Variants in ENOX1 observed in about 807,000 individuals in gnomAD.
ENOX1 encodes candidate growth-related and time keeping constitutive hydroquinone (NADH) oxidase.
A neutral mutation model predicts 82.5 loss-of-function variants in ENOX1; 42 were observed. That is an observed-to-expected ratio of 0.51 (90% confidence interval 0.40 to 0.66). The LOEUF is 0.66. Ranked by LOEUF, ENOX1 falls within the 30% of genes least tolerant of loss-of-function variation. ENOX1 has a pLI of 0.00. For synonymous variants in ENOX1, 271 were observed against 282.2 expected, an observed-to-expected ratio of 0.96 and a Z score of 0.40; for missense variants, 608 against 811.6, an observed-to-expected ratio of 0.75 and a Z score of 3.05.
At chr13:43,380,628 T>C (rs75544809) in intron 5 of ENOX1, among the ~76,000 whole-genome samples, 2,021 of 151,782 alleles carry the variant, frequency 0.013, 40 homozygotes, top group African/African-American at 0.046. Context: ...ATATATCAGA[T>C]TGGATATAAA....
At chr13:43,494,277 C>G (rs199818095) in intron 2 of ENOX1, among the ~76,000 whole-genome samples, 2 of 152,142 alleles carry the variant, frequency 1.3e-5, no homozygotes, top group East Asian at 3.9e-4. Flanking sequence ...ACTAATATGA[C>G]AGCCCTCCCA....
At position 43,462,968 on chromosome 13, in the gene ENOX1, G is replaced by A. The variant is rs114283419; in HGVS notation, c.-75+21041C>T. 2.9e-3 allele frequency among the ~76,000 whole-genome samples: 435 copies of A among 152,248 alleles called. 1 individual carries two copies. Among genetic ancestry groups the A allele is most frequent in the African/African-American group, 0.01 (419 of 41,534 alleles). Reference sequence around the variant, plus strand: ...TGCATAGTCGTTACGTTAAAAATCGGTGCCTCTCATTCTCTGTTTTGGATG... The same window carrying A: ...TGCATAGTCGTTACGTTAAAAATCGATGCCTCTCATTCTCTGTTTTGGATG... On this transcript the variant is annotated intron_variant, in intron 3 of 16. Transcript: ENST00000690772.
chr13:43,428,264 A>T (rs2055444131), intron 3 of ENOX1, among the ~76,000 whole-genome samples: 1 of 152,118 alleles, frequency 6.6e-6, no homozygotes, highest in African/African-American at 2.4e-5. Flanking sequence ...TTAGAGAAAG[A>T]GAGAGAGAGA....
At chr13:43,544,927 C>T (rs188158832) in intron 2 of ENOX1, 1 of 152,186 alleles carries the variant, frequency 6.6e-6, no homozygotes, top group Non-Finnish European at 1.5e-5. Context: ...TGGTTTTGCT[C>T]TGAAACCAGC....
intron 2 of ENOX1, among the ~76,000 whole-genome samples, chr13:43,646,789 T>G (rs941368360): frequency 6.6e-6 from 1 of 152,162 alleles, no homozygotes; most frequent in African/African-American, 2.4e-5. Flanking sequence ...TCACTTTCCC[T>G]TCTCGCCTCA....
At chr13:43,704,287 A>G (rs775324140) in intron 1 of ENOX1, among the ~76,000 whole-genome samples, 5 of 152,174 alleles carry the variant, frequency 3.3e-5, no homozygotes, top group Non-Finnish European at 7.4e-5. Flanking sequence ...GTCATTATAA[A>G]TGGTATAAGC....
intron 1 of ENOX1, among the ~76,000 whole-genome samples, chr13:43,697,026 T>G (rs1206574679): frequency 3.3e-5 from 5 of 151,930 alleles, no homozygotes; most frequent in Non-Finnish European, 7.4e-5. Context: ...ACAATTAACA[T>G]TGAATATGAA....
chr13:43,317,216 G>A lies in ENOX1; in HGVS notation c.1261+5168C>T, dbSNP rs116664645. Among the ~76,000 whole-genome samples, 583 of 152,308 alleles carry A rather than the reference G, an allele frequency of 3.8e-3. 6 individuals are homozygous for A. The highest frequency in any genetic ancestry group is 0.013 in the African/African-American group (546 of 41,556). Reference sequence around the variant, plus strand: ...CTCTGCCAAGTTCTGAGCCAATCTCGGGTGAGCCTGCTTTCAGTTACATTC... The same window carrying A: ...CTCTGCCAAGTTCTGAGCCAATCTCAGGTGAGCCTGCTTTCAGTTACATTC... On this transcript the variant is annotated intron_variant, in intron 11 of 16. Transcript: ENST00000690772.
chr13:43,504,682 A>G (rs1318449605), intron 2 of ENOX1, among the ~76,000 whole-genome samples: 1 of 151,646 alleles, frequency 6.6e-6, no homozygotes, highest in Non-Finnish European at 1.5e-5. Flanking sequence ...ATGTGGAGGT[A>G]TTAGTCAAAG....
chr13:43,470,317 CACAT>C (rs1331986587), intron 3 of ENOX1, among the ~76,000 whole-genome samples: 1 of 42,146 alleles, frequency 2.4e-5, no homozygotes, highest in African/African-American at 7.4e-5. Flanking sequence ...CATATATATA[CACAT>C]ATATATATGT....
At chr13:43,470,754 G>C (rs113229317) in intron 3 of ENOX1, among the ~76,000 whole-genome samples, 25 of 151,810 alleles carry the variant, frequency 1.6e-4, no homozygotes, top group African/African-American at 4.8e-4. Flanking sequence ...TAAATGACCG[G>C]TGAGCATATG....
At chr13:43,421,369 C>T (rs971163043) in intron 3 of ENOX1, among the ~76,000 whole-genome samples, 2 of 152,176 alleles carry the variant, frequency 1.3e-5, no homozygotes, top group Non-Finnish European at 2.9e-5. Context: ...AATTTTTTAA[C>T]TTTACGATGG....
rs74801213 is a variant in ENOX1, at chr13:43,328,261, T to C, written c.1037-1736A>G. Among the ~76,000 whole-genome samples the C allele has an allele frequency of 9.8e-3, 1,495 of 152,334 alleles. 22 individuals are homozygous for C. Among genetic ancestry groups the C allele is most frequent in the African/African-American group, 0.034 (1,434 of 41,584 alleles). Reference sequence around the variant, plus strand: ...GATCACCGGGGCTTTCTGCATGTTTTGTCTGTACACAGGCTGGGATCATTG... The same window carrying C: ...GATCACCGGGGCTTTCTGCATGTTTCGTCTGTACACAGGCTGGGATCATTG... On this transcript the variant is annotated intron_variant, in intron 9 of 16. Coordinates refer to ENST00000690772, the MANE Select transcript of ENOX1 (RefSeq NM_001347969.2).
intron 2 of ENOX1, among the ~76,000 whole-genome samples, chr13:43,605,903 T>G (rs1043658597): frequency 1.3e-5 from 2 of 152,094 alleles, no homozygotes; most frequent in African/African-American, 4.8e-5. Context: ...TTGCAAACTA[T>G]CTATCTGACA....
Position 43,492,055 on chromosome 13 carries a change from T to C in ENOX1, c.-218-7903A>G, listed in dbSNP as rs144198771. Among the ~76,000 whole-genome samples, 384 of 152,276 alleles carry C rather than the reference T, an allele frequency of 2.5e-3. 3 individuals carry two copies. The highest frequency in any genetic ancestry group is 8.2e-3 in the African/African-American group (341 of 41,552). ...GGGGTGTCGCCTATGACAAAAGTGA[T>C]AAATGACATCTCTCTTGCCCTGTTT... On this transcript the variant is annotated intron_variant, in intron 2 of 16. Coordinates refer to ENST00000690772, the MANE Select transcript of ENOX1 (RefSeq NM_001347969.2).
At chr13:43,630,888 T>C (rs981329536) in intron 2 of ENOX1, among the ~76,000 whole-genome samples, 1 of 137,522 alleles carries the variant, frequency 7.3e-6, no homozygotes, top group Non-Finnish European at 1.6e-5. Context: ...TATATACACA[T>C]ATATATACAC....
intron 2 of ENOX1, among the ~76,000 whole-genome samples, chr13:43,558,201 A>T (rs1303497101): frequency 6.6e-6 from 1 of 152,126 alleles, no homozygotes; most frequent in Non-Finnish European, 1.5e-5. Context: ...TTACTAGGGA[A>T]CCAGCTGCTA....
chr13:43,243,286 A>G (rs984261369), intron 14 of ENOX1, among the ~76,000 whole-genome samples: 1 of 152,096 alleles, frequency 6.6e-6, no homozygotes, highest in African/African-American at 2.4e-5. Context: ...AGTCAGCATC[A>G]TTCTTCCACT....
At chr13:43,240,765 G>A (rs2042784846) in intron 14 of ENOX1, among the ~76,000 whole-genome samples, 1 of 152,208 alleles carries the variant, frequency 6.6e-6, no homozygotes, top group African/African-American at 2.4e-5. Context: ...GAAGTAGGAT[G>A]TGCACGTTTC....
Sources: gnomAD v4.1 joint callset for allele counts (sites outside exome capture counted in the v4.1 genomes callset) on GRCh38, gnomAD v4.1.1 for gene constraint, MANE v1.5 for transcripts, NCBI Gene and HGNC (gene_info 2026-07-23, HGNC 2026-07-21) for gene names.